SLC24A3: variants seen among roughly 807,000 people sequenced by gnomAD.
SLC24A3 encodes the protein sodium/potassium/calcium exchanger 3.
A neutral mutation model predicts 75.8 loss-of-function variants in SLC24A3; 28 were observed. The ratio of observed to expected loss-of-function variants is 0.37; its 90% CI spans 0.27 to 0.51. The LOEUF (loss-of-function observed/expected upper bound fraction) is 0.51, where lower values mean the gene tolerates loss of function less well. Among genes scored for constraint, SLC24A3 ranks in the 20% least tolerant of loss-of-function variants. The probability of loss-of-function intolerance (pLI) is 0.94; values close to 1 mark genes in which losing one functional copy is unlikely to be tolerated. For synonymous variants in SLC24A3, 372 were observed against 334.1 expected (o/e 1.11, Z -1.24); for missense variants, 663 against 847.8 (o/e 0.78, Z 2.71).
chr20:19,309,178 A>T (rs768044169), intron 2 of SLC24A3, among the ~76,000 whole-genome samples: 1 of 152,242 alleles, frequency 6.6e-6, no homozygotes, highest in Non-Finnish European at 1.5e-5. Context: ...TCATCCCGAC[A>T]GCAGATCTAT....
chr20:19,276,571 A>C (rs1039502238), intron 1 of SLC24A3, among the ~76,000 whole-genome samples: 2 of 152,194 alleles, frequency 1.3e-5, no homozygotes, highest in African/African-American at 4.8e-5. Flanking sequence ...GTATCTAAAC[A>C]TATCTAAATA....
chr20:19,385,150 A>G (rs569170793), intron 2 of SLC24A3, among the ~76,000 whole-genome samples: 2 of 152,308 alleles, frequency 1.3e-5, no homozygotes, highest in South Asian at 4.1e-4. Context: ...TTATGATGCA[A>G]TCCCATTTGT....
In SLC24A3 at chr20:19,540,712, T is replaced by C. The variant is rs769167196; in HGVS notation, c.348+25148T>C. Among the ~76,000 whole-genome samples the C allele has an allele frequency of 2.6e-4, 39 of 152,324 alleles. 1 individual carries two copies. The highest frequency in any genetic ancestry group is 4.6e-4 in the Non-Finnish European group (31 of 68,018). ...TATGTTTTAGTCAGTGCTGCATTCA[T>C]GGGTAAGTTTGCATTTGATTTGCTT... On this transcript the variant is annotated intron_variant, in intron 3 of 16. Transcript: ENST00000328041.
intron 3 of SLC24A3, among the ~76,000 whole-genome samples, chr20:19,556,835 A>T (rs965268014): frequency 3.3e-5 from 5 of 152,226 alleles, no homozygotes; most frequent in Admixed American, 1.3e-4. Flanking sequence ...ACACCAGGCA[A>T]TCATGAGGTC....
At chr20:19,553,803 G>A (rs532146248) in intron 3 of SLC24A3, among the ~76,000 whole-genome samples, 2 of 152,172 alleles carry the variant, frequency 1.3e-5, no homozygotes, top group African/African-American at 2.4e-5. Context: ...GTACCCCAGG[G>A]GAAACATAAA....
At chr20:19,446,568 G>A (rs987614959) in intron 2 of SLC24A3, among the ~76,000 whole-genome samples, 8 of 152,178 alleles carry the variant, frequency 5.3e-5, no homozygotes, top group African/African-American at 1.9e-4. Flanking sequence ...CAGGTGACTT[G>A]GATGAGAAGT....
chr20:19,678,068 T>C (rs893648693), intron 9 of SLC24A3, among the ~76,000 whole-genome samples: 2 of 151,372 alleles, frequency 1.3e-5, no homozygotes, highest in Non-Finnish European at 3.0e-5. Context: ...AGAATTTTTC[T>C]TAGTACAGAA....
At chr20:19,560,726 G>A (rs1367463688) in intron 3 of SLC24A3, among the ~76,000 whole-genome samples, 2 of 152,176 alleles carry the variant, frequency 1.3e-5, no homozygotes, top group Non-Finnish European at 2.9e-5. Context: ...TTTATTGGCT[G>A]ATGTCAGTGG....
chr20:19,257,127 G>A (rs1306579731), intron 1 of SLC24A3, among the ~76,000 whole-genome samples: 1 of 152,100 alleles, frequency 6.6e-6, no homozygotes, highest in Non-Finnish European at 1.5e-5. Context: ...AAGTTCATTT[G>A]GGTCTTTTTG....
At chr20:19,463,324 T>C in intron 2 of SLC24A3, among the ~76,000 whole-genome samples, 1 of 152,204 alleles carries the variant, frequency 6.6e-6, no homozygotes, top group East Asian at 1.9e-4. Flanking sequence ...AGTATTTCCC[T>C]AGTGAGGTAC....
intron 6 of SLC24A3, among the ~76,000 whole-genome samples, chr20:19,639,997 A>T (rs972191563): frequency 1.3e-5 from 2 of 152,220 alleles, no homozygotes; most frequent in Non-Finnish European, 2.9e-5. Context: ...CGCAGCCCTG[A>T]TTCCCGCTGG....
chr20:19,229,760 G>A (rs1030852991), intron 1 of SLC24A3, among the ~76,000 whole-genome samples: 1 of 152,102 alleles, frequency 6.6e-6, no homozygotes, highest in Non-Finnish European at 1.5e-5. Context: ...TTATTTGGCT[G>A]TGTCTTCATC....
At chr20:19,409,621 G>A (rs1225053673) in intron 2 of SLC24A3, among the ~76,000 whole-genome samples, 1 of 152,128 alleles carries the variant, frequency 6.6e-6, no homozygotes, top group Non-Finnish European at 1.5e-5. Flanking sequence ...AATAACCCAA[G>A]TGTCAAGCTA....
At chr20:19,402,073 A>G (rs1986561527) in intron 2 of SLC24A3, among the ~76,000 whole-genome samples, 1 of 152,206 alleles carries the variant, frequency 6.6e-6, no homozygotes, top group Admixed American at 6.5e-5. Flanking sequence ...ACATGGGGAC[A>G]ATTTACAAGT....
chr20:19,442,721 T>A (rs1987316684), intron 2 of SLC24A3, among the ~76,000 whole-genome samples: 1 of 152,180 alleles, frequency 6.6e-6, no homozygotes, highest in South Asian at 2.1e-4. Flanking sequence ...AATTTATCTA[T>A]TTTTTATTTC....
At chr20:19,215,844 G>C (rs1459092538) in intron 1 of SLC24A3, among the ~76,000 whole-genome samples, 1 of 152,200 alleles carries the variant, frequency 6.6e-6, no homozygotes, top group African/African-American at 2.4e-5. Flanking sequence ...CACATATTCA[G>C]TATTTGGTTA....
At chr20:19,512,355 G>A (rs2071517009) in intron 2 of SLC24A3, among the ~76,000 whole-genome samples, 2 of 152,158 alleles carry the variant, frequency 1.3e-5, no homozygotes, top group Non-Finnish European at 2.9e-5. Context: ...GCAGCTTCTG[G>A]GTGGACTGTC....
Position 19,212,944 on chromosome 20 carries a change from G to T in SLC24A3, c.102G>T (p.Ala34=). 5 of 1,338,600 alleles carry T rather than the reference G, an allele frequency of 3.7e-6. No homozygotes were observed. In the South Asian group the frequency reaches 6.7e-5, roughly 18 times the overall value. 82.9% of individuals were successfully genotyped at this position (1,338,600 alleles called of 1,614,324 possible). Residue 34 remains alanine, a synonymous_variant, in exon 1 of 17, where the codon GCG becomes GCT. Coordinates refer to ENST00000328041, the MANE Select transcript of SLC24A3 (RefSeq NM_020689.4). ...AGCTCTGCTTCCTGGCCTCGGTGGC[G>T]CTGCTGCTCTGGTCGCTGTCGAGCC... ...LSQLCFLASV[A]LLLWSLSSLR... is the part of the protein sequence containing the mutation.
intron 3 of SLC24A3, among the ~76,000 whole-genome samples, chr20:19,541,449 C>G (rs1237106317): frequency 6.6e-6 from 1 of 152,198 alleles, no homozygotes; most frequent in Non-Finnish European, 1.5e-5. Flanking sequence ...TGTATTAGCA[C>G]GTGTGTGTCT....
Sources: allele counts gnomAD v4.1 joint callset (sites outside exome capture counted in the v4.1 genomes callset), GRCh38; gene constraint gnomAD v4.1.1; transcripts MANE v1.5; gene names NCBI Gene and HGNC (gene_info 2026-07-23, HGNC 2026-07-21).